Variants in SYNPO observed in about 807,000 individuals in gnomAD.
SYNPO encodes the protein synaptopodin.
A neutral mutation model predicts 49.5 loss-of-function variants in SYNPO; 19 were observed. That is an observed-to-expected ratio of 0.38 (90% CI 0.27 to 0.56). The LOEUF is 0.56. Among genes scored for constraint, SYNPO ranks in the 20% least tolerant of loss-of-function variants. The probability of loss-of-function intolerance (pLI) is 0.68; values close to 1 mark genes in which losing one functional copy is unlikely to be tolerated. For missense variants in SYNPO, 1,131 were observed against 1,248.3 expected (o/e 0.91, Z 1.42); for synonymous variants, 536 against 548.0 (o/e 0.98, Z 0.31).
In SYNPO at chr5:150,656,721, C is replaced by T. The variant is rs1758571849; in HGVS notation, c.2346C>T (p.Pro782=). The T allele has an allele frequency of 2.2e-6, 3 of 1,377,528 alleles. No homozygotes were observed. Among genetic ancestry groups the T allele is most frequent in the South Asian group, 3.3e-5 (2 of 60,216 alleles). 85.3% of individuals were successfully genotyped at this position (1,377,528 alleles called of 1,614,324 possible). A position where few individuals can be genotyped will look rare whatever the true frequency, so the allele number is the denominator to read the frequency against. ...PRSAGAENPR[P]FSPPRAPPPP... Reference sequence around the variant, plus strand: ...CGGCGGGCGCCGAGAACCCGCGGCCCTTCTCCCCGCCGAGGGCGCCACCGC... The same window carrying T: ...CGGCGGGCGCCGAGAACCCGCGGCCTTTCTCCCCGCCGAGGGCGCCACCGC... Residue 782 remains proline, a synonymous_variant, in exon 3 of 3, where the codon CCC becomes CCT. Coordinates refer to ENST00000307662, the MANE Select transcript of SYNPO (RefSeq NM_007286.6).
intron 1 of SYNPO, among the ~76,000 whole-genome samples, chr5:150,611,450 A>G (rs1560657): frequency 0.39 from 59,381 of 152,112 alleles, 11,941 homozygotes; most frequent in African/African-American, 0.49. Context: ...CTGAAGCCTT[A>G]TCTCTCCTGA....
At position 150,656,555 on chromosome 5, in the gene SYNPO, C is replaced by T. The variant is rs1758560852; in HGVS notation, c.2180C>T (p.Pro727Leu). Reference protein sequence around the residue: ...SSPPPLPPPPPMSPSWSERSV... With the variant: ...SSPPPLPPPPLMSPSWSERSV... ...CCCCCGCCGCTGCCGCCGCCACCGCCCATGTCTCCCTCGTGGAGCGAGCGC... is the reference window on the plus strand; with the variant it reads ...CCCCCGCCGCTGCCGCCGCCACCGCTCATGTCTCCCTCGTGGAGCGAGCGC... Residue 727 changes from proline to leucine, a missense_variant, in exon 3 of 3, where the codon CCC becomes CTC. Pro to Leu is a moderately conservative substitution (Grantham distance 98). Transcript: ENST00000307662. The T allele has an allele frequency of 1.2e-5, 18 of 1,528,414 alleles. No individual in the cohort carries two copies. The highest frequency in any genetic ancestry group is 1.6e-5 in the Non-Finnish European group (18 of 1,144,096). The allele number at this position is 1,528,414 out of a possible 1,614,324, so 94.7% of individuals were successfully genotyped here. A position where few individuals can be genotyped will look rare whatever the true frequency, so the allele number is the denominator to read the frequency against.
intron 1 of SYNPO, among the ~76,000 whole-genome samples, chr5:150,617,318 T>C (rs374054455): frequency 1.1e-4 from 17 of 152,050 alleles, no homozygotes; most frequent in African/African-American, 4.1e-4. Flanking sequence ...TTTTTTTGGC[T>C]GAGTTTCTGC....
At chr5:150,602,997 G>GGGGT (rs1554106602) in intron 1 of SYNPO, among the ~76,000 whole-genome samples, 65 of 131,252 alleles carry the variant, frequency 5.0e-4, no homozygotes, top group African/African-American at 1.2e-3. Context: ...GCCACCTTAG[G>GGGGT]GTGTGTGTGT....
chr5:150,643,504 C>T (rs1014656406), intron 1 of SYNPO, among the ~76,000 whole-genome samples: 1 of 152,166 alleles, frequency 6.6e-6, no homozygotes, highest in Admixed American at 6.5e-5. Context: ...CAAATCTCTG[C>T]AGGGCTGTCA....
chr5:150,596,103 T>C (rs1756420456), upstream of SYNPO, among the ~76,000 whole-genome samples: 2 of 152,242 alleles, frequency 1.3e-5, no homozygotes, highest in Admixed American at 6.5e-5. Context: ...AAAACACAGC[T>C]CTCTATAGTT....
intron 2 of SYNPO, among the ~76,000 whole-genome samples, chr5:150,634,790 C>T (rs1275638124): frequency 6.6e-6 from 1 of 151,276 alleles, no homozygotes; most frequent in East Asian, 2.0e-4. Context: ...TGCACTCCAG[C>T]CTGCCAGCCT....
chr5:150,593,359 T>C, the SYNPO span, among the ~76,000 whole-genome samples: 5 of 152,390 alleles, frequency 3.3e-5, no homozygotes, highest in Non-Finnish European at 5.9e-5. Flanking sequence ...ACCTGGGTTC[T>C]GTTCCCTACG....
At chr5:150,615,621 C>T (rs1227339249) in intron 1 of SYNPO, among the ~76,000 whole-genome samples, 1 of 152,264 alleles carries the variant, frequency 6.6e-6, no homozygotes, top group Non-Finnish European at 1.5e-5. Flanking sequence ...AGCACCTGCC[C>T]CAGTTCACAG....
At position 150,617,452 on chromosome 5, in the gene SYNPO, C is replaced by T. The variant is rs543398813; in HGVS notation, c.-265-651C>T. Among the ~76,000 whole-genome samples, 9 of 152,278 alleles carry T rather than the reference C, an allele frequency of 5.9e-5. No individual in the cohort carries two copies. In the East Asian group the frequency reaches 1.2e-3, roughly 20 times the overall value. The stretch of plus-strand genomic sequence containing the variant: ...CTGGGATTACAGGTGCCTACCACTA[C>T]GCCCAGCTAATTTTTGTATTTTTAG... On this transcript the variant is annotated intron_variant, in intron 1 of 2. Coordinates refer to the SYNPO transcript ENST00000394243.
chr5:150,595,812 C>T, the SYNPO span, among the ~76,000 whole-genome samples: 1 of 150,012 alleles, frequency 6.7e-6, no homozygotes, highest in African/African-American at 2.5e-5. Flanking sequence ...CCCACTCCCC[C>T]CTCATTTCCT....
At position 150,648,444 on chromosome 5, in the gene SYNPO, C is replaced by T. The variant is rs755439626; in HGVS notation, c.169C>T (p.Pro57Ser). The T allele has an allele frequency of 6.2e-7, 1 of 1,614,174 alleles. No homozygotes were observed. The highest frequency in any genetic ancestry group is 1.7e-5 in the Admixed American group (1 of 60,028). ...NREAQQSSPA[P>S]PPAEVHSPAA... Reference sequence around the variant, plus strand: ...AGAGGCCCAGCAGTCCTCACCGGCCCCACCTCCAGCTGAGGTCCACAGCCC... The same window carrying T: ...AGAGGCCCAGCAGTCCTCACCGGCCTCACCTCCAGCTGAGGTCCACAGCCC... Residue 57 changes from proline (P) to serine (S), a missense_variant, in exon 2 of 3, where the codon CCA becomes TCA. By Grantham distance (74) the Pro-to-Ser change is moderately conservative (BLOSUM62 -1). Coordinates refer to ENST00000307662, the MANE Select transcript of SYNPO (RefSeq NM_007286.6). The surrounding 1 kb of genome is among the most constrained non-coding windows in gnomAD (Gnocchi z 5.0).
intron 2 of SYNPO, among the ~76,000 whole-genome samples, chr5:150,623,769 A>G (rs953109479): frequency 6.6e-6 from 1 of 152,214 alleles, no homozygotes; most frequent in Non-Finnish European, 1.5e-5. Context: ...TTCCTTTAGC[A>G]GAAATCTAAA....
chr5:150,592,243 A>G, the SYNPO span, among the ~76,000 whole-genome samples: 2 of 152,248 alleles, frequency 1.3e-5, no homozygotes, highest in Non-Finnish European at 2.9e-5. Context: ...CAGATAAACA[A>G]TGAATAATTT....
At chr5:150,620,031 G>A (rs1757103737) in intron 2 of SYNPO, among the ~76,000 whole-genome samples, 1 of 152,092 alleles carries the variant, frequency 6.6e-6, no homozygotes, top group Non-Finnish European at 1.5e-5. Context: ...CCCAGGACCT[G>A]CTCCCATCCC....
intron 1 of SYNPO, among the ~76,000 whole-genome samples, chr5:150,613,501 T>C (rs917569635): frequency 1.7e-4 from 26 of 152,188 alleles, no homozygotes; most frequent in African/African-American, 3.1e-4. Context: ...CCAAGAATCA[T>C]AAGATTTGGC....
rs1758660060 is a variant in SYNPO, at chr5:150,658,847, A to G, written c.*1760A>G. On this transcript the variant is annotated 3_prime_UTR_variant, in exon 3 of 3. Transcript: ENST00000307662. Reference sequence around the variant, plus strand: ...CCTCAGGAATGCTCCTGCTGCTGTGAAGATGAGAAGGTGCTCTTACTCAGT... The same window carrying G: ...CCTCAGGAATGCTCCTGCTGCTGTGGAGATGAGAAGGTGCTCTTACTCAGT... The G allele has an allele frequency of 7.0e-6, 1 of 143,406 alleles. No individual in the cohort carries two copies. Among genetic ancestry groups the G allele is most frequent in the African/African-American group, 2.6e-5 (1 of 38,256 alleles). 8.9% of individuals were successfully genotyped at this position (143,406 alleles called of 1,614,324 possible).
intron 1 of SYNPO, among the ~76,000 whole-genome samples, chr5:150,611,680 G>T (rs1200913487): frequency 6.6e-6 from 1 of 152,200 alleles, no homozygotes; most frequent in Non-Finnish European, 1.5e-5. Flanking sequence ...GGTTGATACT[G>T]ATGGCCGCTG....
chr5:150,631,721 T>C (rs1004203662), intron 2 of SYNPO, among the ~76,000 whole-genome samples: 1 of 152,086 alleles, frequency 6.6e-6, no homozygotes, highest in Admixed American at 6.5e-5. Flanking sequence ...ACAGACCCCA[T>C]TCATGCCCCC....
Sources: allele counts gnomAD v4.1 joint callset (sites outside exome capture counted in the v4.1 genomes callset), GRCh38; gene constraint gnomAD v4.1.1; non-coding constraint Gnocchi (gnomAD v3.1); transcripts MANE v1.5; gene names NCBI Gene and HGNC (gene_info 2026-07-23, HGNC 2026-07-21).